Variants in UBAP2 observed in about 807,000 individuals in gnomAD.
The protein encoded by UBAP2 is ubiquitin-associated protein 2.
Under a neutral mutation model 139.6 loss-of-function variants are expected in UBAP2, and 75 were observed. The observed-to-expected ratio is 0.54, with a 90% CI of 0.45 to 0.65. The LOEUF (loss-of-function observed/expected upper bound fraction) is 0.65, where lower values mean the gene tolerates loss of function less well. Ranked by LOEUF, UBAP2 falls within the 30% of genes least tolerant of loss-of-function variation. The pLI is 0.00. For synonymous variants in UBAP2, 526 were observed against 526.2 expected (o/e 1.00, Z 0.01); for missense variants, 1,368 against 1,369.6 (o/e 1.00, Z 0.02).
At chr9:34,014,520 T>C (rs746444564) in intron 2 of UBAP2, among the ~76,000 whole-genome samples, 6 of 151,644 alleles carry the variant, frequency 4.0e-5, no homozygotes, top group Non-Finnish European at 2.9e-5. Flanking sequence ...TCCCAGCTAC[T>C]TGAGAGGCTG....
chr9:33,940,222 C>T (rs549473096), intron 16 of UBAP2, among the ~76,000 whole-genome samples: 5 of 152,120 alleles, frequency 3.3e-5, no homozygotes, highest in Admixed American at 6.5e-5. Flanking sequence ...AAGGCTTCTT[C>T]CTAAACTGGA....
At chr9:33,965,867 T>C (rs1298708496) in intron 8 of UBAP2, among the ~76,000 whole-genome samples, 1 of 151,528 alleles carries the variant, frequency 6.6e-6, no homozygotes, top group Non-Finnish European at 1.5e-5. Context: ...GCTAACACAG[T>C]GAAGCCCCGT....
intron 10 of UBAP2, among the ~76,000 whole-genome samples, chr9:33,959,646 G>C (rs1489089696): frequency 6.6e-6 from 1 of 151,974 alleles, no homozygotes; most frequent in Non-Finnish European, 1.5e-5. Context: ...AGAACTTATA[G>C]ACTGACAGTA....
intron 11 of UBAP2, among the ~76,000 whole-genome samples, chr9:33,954,265 T>TACACACACACACAC (rs1491115319): frequency 1.7e-5 from 2 of 121,210 alleles, no homozygotes; most frequent in East Asian, 4.5e-4. Flanking sequence ...TAAGTGTGTG[T>TACACACACACACAC]ATATACACAC....
chr9:33,927,273 T>C (rs1377426469), intron 20 of UBAP2, among the ~76,000 whole-genome samples, 193 bp from the exon 21 acceptor site: 1 of 151,994 alleles, frequency 6.6e-6, no homozygotes, highest in African/African-American at 2.4e-5. Flanking sequence ...CACACTGAGG[T>C]TGTTTCAACG....
intron 1 of UBAP2, among the ~76,000 whole-genome samples, chr9:34,020,726 C>T (rs1448112187): frequency 6.6e-6 from 1 of 151,120 alleles, no homozygotes; most frequent in Non-Finnish European, 1.5e-5. Flanking sequence ...GTGGCTTGAT[C>T]TCTGCTCACC....
In UBAP2 at chr9:33,922,370, G is replaced by T; in HGVS notation, c.*134C>A. ...TTACATACAGTAGCCAGTCTGGGAG[G>T]CAGACTCCCCACAGAGGCATGGCTG... On this transcript the variant is annotated 3_prime_UTR_variant, in exon 29 of 29. Coordinates refer to ENST00000379238, the MANE Select transcript of UBAP2 (RefSeq NM_001370062.2). 1 of 830,224 alleles carries T rather than the reference G, an allele frequency of 1.2e-6. No individual in the cohort carries two copies. The highest frequency in any genetic ancestry group is 2.0e-6 in the Non-Finnish European group (1 of 498,866). 51.4% of individuals were successfully genotyped at this position (830,224 alleles called of 1,614,324 possible). A position where few individuals can be genotyped will look rare whatever the true frequency, so the allele number is the denominator to read the frequency against.
intron 12 of UBAP2, among the ~76,000 whole-genome samples, chr9:33,952,522 GA>G (rs892685093): frequency 2.6e-5 from 4 of 151,680 alleles, no homozygotes; most frequent in Non-Finnish European, 5.9e-5. Context: ...GTCTTAGGGG[GA>G]AAAAAAAGCA....
chr9:34,033,782 C>T (rs944855741), intron 1 of UBAP2, among the ~76,000 whole-genome samples: 1 of 151,422 alleles, frequency 6.6e-6, no homozygotes, highest in Non-Finnish European at 1.5e-5. Context: ...GTTGCCCAGG[C>T]TGGAGTGCAA....
At chr9:33,926,694 G>A (rs2296364) in intron 21 of UBAP2, 30 bp from the exon 22 acceptor site, 28,286 of 1,613,600 alleles carry the variant, frequency 0.018, 363 homozygotes, top group East Asian at 0.058. Context: ...TGTATTTTAG[G>A]AACCACATAC....
intron 11 of UBAP2, among the ~76,000 whole-genome samples, chr9:33,954,404 C>T (rs1271451357): frequency 2.0e-5 from 3 of 151,956 alleles, no homozygotes; most frequent in South Asian, 2.1e-4. Context: ...GACAGATATT[C>T]CAATTTGGAC....
chr9:33,987,728 T>C (rs1027815894), intron 5 of UBAP2, among the ~76,000 whole-genome samples: 1 of 152,220 alleles, frequency 6.6e-6, no homozygotes, highest in Non-Finnish European at 1.5e-5. Flanking sequence ...CTGTGAAGTT[T>C]TTGCTTCAAA....
At chr9:34,045,375 T>TA (rs967594799) in intron 1 of UBAP2, among the ~76,000 whole-genome samples, 16 of 150,488 alleles carry the variant, frequency 1.1e-4, no homozygotes, top group South Asian at 6.3e-4. Context: ...AAATAAAAAT[T>TA]AAAAAAAAAA....
chr9:34,035,500 T>TAAA (rs1202143092), intron 1 of UBAP2, among the ~76,000 whole-genome samples: 2 of 36,676 alleles, frequency 5.5e-5, no homozygotes, highest in African/African-American at 1.7e-4. Context: ...AGACTCCATC[T>TAAA]AAAAAAAAAA....
intron 1 of UBAP2, among the ~76,000 whole-genome samples, chr9:34,046,111 T>C (rs1827555714): frequency 6.6e-6 from 1 of 152,106 alleles, no homozygotes; most frequent in Non-Finnish European, 1.5e-5. Context: ...TTTGCTGACA[T>C]ACAGGTTTCT....
In UBAP2 at chr9:33,927,933, C is replaced by T. The variant is rs761507084; in HGVS notation, c.2235G>A (p.Ala745=). The change falls in exon 20 of 29, where the codon GCG becomes GCA. Residue 745 remains alanine, a synonymous_variant. Coordinates refer to ENST00000379238, the MANE Select transcript of UBAP2 (RefSeq NM_001370062.2). The part of the protein sequence containing the change: ...HQSSATFSTA[A]TSVSSSASSG... ...AGGATGCGGAACTTGAGACGGAGGT[C>T]GCTGCCGTGGAGAAGGTGGCTGAGG... The T allele has an allele frequency of 5.0e-6, 8 of 1,614,162 alleles. 1 individual carries two copies. The highest frequency in any genetic ancestry group is 4.4e-5 in the South Asian group (4 of 91,082).
At position 33,970,437 on chromosome 9, in the gene UBAP2, A is replaced by T. The variant is rs559273271; in HGVS notation, c.679+1214T>A. On this transcript the variant is annotated intron_variant, in intron 8 of 28. Coordinates refer to ENST00000379238, the MANE Select transcript of UBAP2 (RefSeq NM_001370062.2). The stretch of plus-strand genomic sequence containing the variant: ...TGTTATATGGATGTTTGTGTGCATT[A>T]TTTTTTTTTTTCAGGCACGCCTTGC... 1.7e-4 allele frequency among the ~76,000 whole-genome samples: 25 copies of T among 144,106 alleles called. No individual in the cohort carries two copies. The South Asian group carries it at 3.1e-3, about 18-fold the overall frequency. 94.5% of individuals were successfully genotyped at this position (144,106 alleles called of 152,430 possible). A position where few individuals can be genotyped will look rare whatever the true frequency, so the allele number is the denominator to read the frequency against.
In UBAP2 at chr9:33,963,618, C is replaced by G. The variant is rs1827234785; in HGVS notation, c.745+108G>C. 3 of 662,638 alleles carry G rather than the reference C, an allele frequency of 4.5e-6. No individual in the cohort carries two copies. In the South Asian group the frequency reaches 6.1e-5, roughly 14 times the overall value. 41.0% of individuals were successfully genotyped at this position (662,638 alleles called of 1,614,324 possible). ...CAAATAAATAGGTATAGTTTACAAACATTTATCTGATAAATTTTTATTAGC... is the reference window on the plus strand; with the variant it reads ...CAAATAAATAGGTATAGTTTACAAAGATTTATCTGATAAATTTTTATTAGC... On this transcript the variant is annotated intron_variant, in intron 9 of 28. Coordinates refer to ENST00000379238, the MANE Select transcript of UBAP2 (RefSeq NM_001370062.2).
At chr9:33,964,910 C>A (rs1338594547) in intron 8 of UBAP2, among the ~76,000 whole-genome samples, 4 of 152,120 alleles carry the variant, frequency 2.6e-5, no homozygotes, top group African/African-American at 4.8e-5. Context: ...ACAATCCTCA[C>A]CAGCACTTGG....
Sources: gnomAD v4.1 joint callset for allele counts (sites outside exome capture counted in the v4.1 genomes callset) on GRCh38, gnomAD v4.1.1 for gene constraint, MANE v1.5 for transcripts, NCBI Gene and HGNC (gene_info 2026-07-23, HGNC 2026-07-21) for gene names.